The following RNF123 variants were observed in gnomAD, a reference collection of about 807,000 sequenced individuals.
RNF123 encodes the protein E3 ubiquitin-protein ligase RNF123.
In RNF123, 86 loss-of-function variants were observed where a neutral mutation model predicts 168.5. The observed-to-expected ratio is 0.51, with a 90% CI of 0.43 to 0.61. The LOEUF (loss-of-function observed/expected upper bound fraction) is 0.61, where lower values mean the gene tolerates loss of function less well. RNF123 is among the 20% of genes least tolerant of loss of function. RNF123 has a pLI of 0.00. For missense variants in RNF123, 1,419 were observed against 1,729.7 expected (o/e 0.82, Z 3.19); for synonymous variants, 666 against 689.1 (o/e 0.97, Z 0.52).
Position 49,699,608 on chromosome 3 carries a change from G to C in RNF123, c.879+26G>C. On this transcript the variant is annotated intron_variant, in intron 11 of 38. Transcript: ENST00000327697. The surrounding 1 kb of genome is among the most constrained non-coding windows in gnomAD (Gnocchi z 4.8). ...GTGAGCTGGGGTCTGGGCCAGGCGG[G>C]GTGGGGGGCTTCCACAGCCTCCTGC... The C allele has an allele frequency of 1.2e-6, 2 of 1,612,642 alleles. No homozygotes were observed. Among genetic ancestry groups the C allele is most frequent in the Non-Finnish European group, 1.7e-6 (2 of 1,179,054 alleles).
chr3:49,690,357 CTTTAAA>C (rs945218053), intron 1 of RNF123, among the ~76,000 whole-genome samples: 2 of 152,166 alleles, frequency 1.3e-5, no homozygotes, highest in Admixed American at 6.5e-5. Flanking sequence ...ATTTTTAAAA[CTTTAAA>C]TTTAAGTAAC....
intron 35 of RNF123, chr3:49,718,694 CG>C: frequency 6.2e-7 from 1 of 1,612,962 alleles, no homozygotes; most frequent in Non-Finnish European, 8.5e-7. Flanking sequence ...ACGCGGGACG[CG>C]GGTACCTTGA....
At chr3:49,698,226 T>G (rs553930581) in intron 7 of RNF123, 89 bp downstream of exon 7, 1 of 1,235,572 alleles carries the variant, frequency 8.1e-7, no homozygotes, top group African/African-American at 1.5e-5. Context: ...CCCTCAGAAC[T>G]GCCTAGGACC....
At chr3:49,718,311 G>A (rs2080295789) in intron 35 of RNF123, 1 of 1,613,166 alleles carries the variant, frequency 6.2e-7, no homozygotes, top group Admixed American at 1.7e-5. Flanking sequence ...GCAGTGTGGT[G>A]AAGCCTGTGT....
At position 49,691,169 on chromosome 3, in the gene RNF123, G is replaced by A. The variant is rs755254535; in HGVS notation, c.4G>A (p.Ala2Thr). 4 of 1,613,686 alleles carry A rather than the reference G, an allele frequency of 2.5e-6. No individual in the cohort carries two copies. The highest frequency in any genetic ancestry group is 1.7e-6 in the Non-Finnish European group (2 of 1,179,700). Residue 2 changes from alanine (A) to threonine (T), a missense_variant, in exon 2 of 39, where the codon GCA becomes ACA. Ala to Thr is a moderately conservative substitution (Grantham distance 58). This residue lies in a region of RNF123 where 318 missense variants were observed against 446.6 expected (regional missense o/e 0.71). Transcript: ENST00000327697. M[A>T]SKGAGMSFSR... ...GGCTGCCCATGAGAGATGAAGGATGGCATCCAAGGGGGCCGGCATGTCTTT... is the reference window on the plus strand; with the variant it reads ...GGCTGCCCATGAGAGATGAAGGATGACATCCAAGGGGGCCGGCATGTCTTT...
intron 26 of RNF123, 88 bp downstream of exon 26, chr3:49,706,986 C>T: frequency 2.0e-6 from 2 of 993,156 alleles, no homozygotes; most frequent in Non-Finnish European, 3.2e-6. Flanking sequence ...GATGCCCCCA[C>T]CCTCTCAGGC....
chr3:49,710,171 G>A (rs1313505122), intron 26 of RNF123, among the ~76,000 whole-genome samples: 1 of 151,868 alleles, frequency 6.6e-6, no homozygotes, highest in African/African-American at 2.4e-5. Flanking sequence ...CTAATGGGTA[G>A]GATATGGTAC....
At chr3:49,702,502 C>G (rs1431436172) in intron 19 of RNF123, 97 bp downstream of exon 19, 1 of 1,600,742 alleles carries the variant, frequency 6.2e-7, no homozygotes. Context: ...CTCATCCCTG[C>G]CTAGCCCCAA....
At chr3:49,708,695 C>G (rs577654354) in intron 26 of RNF123, among the ~76,000 whole-genome samples, 3 of 152,226 alleles carry the variant, frequency 2.0e-5, no homozygotes, top group Non-Finnish European at 4.4e-5. Context: ...ATAATGTCCT[C>G]AAGGTTCATT....
chr3:49,721,422 C>T lies in RNF123; in HGVS notation c.*117C>T. 1.5e-6 allele frequency: 2 copies of T among 1,362,406 alleles called. No individual in the cohort carries two copies. The highest frequency in any genetic ancestry group is 1.0e-6 in the Non-Finnish European group (1 of 952,602). 84.4% of individuals were successfully genotyped at this position (1,362,406 alleles called of 1,614,324 possible). A position where few individuals can be genotyped will look rare whatever the true frequency, so the allele number is the denominator to read the frequency against. On this transcript the variant is annotated 3_prime_UTR_variant, in exon 39 of 39. Coordinates refer to ENST00000327697, the MANE Select transcript of RNF123 (RefSeq NM_022064.5). ...ATCCCACACCACCACATCCAACCTC[C>T]TTGCCTGCCTGTATCCTCATTGGTG...
At chr3:49,710,226 C>T (rs184454753) in intron 26 of RNF123, among the ~76,000 whole-genome samples, 2 of 152,254 alleles carry the variant, frequency 1.3e-5, no homozygotes, top group East Asian at 3.9e-4. Flanking sequence ...GACATTATGA[C>T]AAATAGTACC....
rs1449645194 is a variant in RNF123 at position 49,698,535 on chromosome 3, C to A, written c.570+9C>A. 6.2e-7 allele frequency: 1 copy of A among 1,613,652 alleles called. No individual in the cohort carries two copies. The highest frequency in any genetic ancestry group is 1.7e-5 in the Admixed American group (1 of 60,034). ...CAACGAATTATGGCAAGGTGAGAGC[C>A]AAGCCCCTGTGGGTCATCCGCCCCA... On this transcript the variant is annotated intron_variant, in intron 8 of 38. Coordinates refer to ENST00000327697, the MANE Select transcript of RNF123 (RefSeq NM_022064.5).
At chr3:49,708,430 C>T (rs2080077398) in intron 26 of RNF123, among the ~76,000 whole-genome samples, 1 of 152,236 alleles carries the variant, frequency 6.6e-6, no homozygotes, top group Non-Finnish European at 1.5e-5. Context: ...CACCTGTCAG[C>T]AGATCCCTGG....
At chr3:49,718,449 T>A (rs573198411) in intron 35 of RNF123, 2 of 1,612,828 alleles carry the variant, frequency 1.2e-6, no homozygotes, top group East Asian at 2.2e-5. Flanking sequence ...GTACGTTGCC[T>A]ATGGCCAAGC....
rs979514514 is a variant in RNF123 at position 49,720,640 on chromosome 3, C to G, written c.3630C>G (p.Phe1210Leu). 1 of 1,600,626 alleles carries G rather than the reference C, an allele frequency of 6.2e-7. No homozygotes were observed. Among genetic ancestry groups the G allele is most frequent in the Non-Finnish European group, 8.5e-7 (1 of 1,170,736 alleles). Residue 1210 changes from phenylalanine to leucine, a missense_variant, in exon 36 of 39, where the codon TTC (phenylalanine) becomes TTG (leucine). Phe to Leu is a conservative substitution (Grantham distance 22, BLOSUM62 0). Coordinates refer to ENST00000327697, the MANE Select transcript of RNF123 (RefSeq NM_022064.5). The part of the protein sequence containing the change: ...TALPAPDRKR[F>L]SLQSYADYIS... ...TGCCAGCCCCTGACCGGAAGCGCTTCTCCCTGCAGAGCTGTGAGTGGGCTG... is the reference window on the plus strand; with the variant it reads ...TGCCAGCCCCTGACCGGAAGCGCTTGTCCCTGCAGAGCTGTGAGTGGGCTG...
chr3:49,713,798 G>A lies in RNF123; in HGVS notation c.2810G>A (p.Arg937Gln), dbSNP rs1415140095. ...TACGTGTGCTACCCACACTCCCTGC[G>A]GGCTGTGGAGCGAATCCCCGAGGAG... is the stretch of plus-strand genomic sequence containing the variant. ...ASYVCYPHSL[R>Q]AVERIPEEQR... The change falls in exon 29 of 39, where the codon CGG becomes CAG. Residue 937 changes from arginine (R) to glutamine (Q), a missense_variant. This residue lies in a region of RNF123 where 538 missense variants were observed against 708.8 expected (regional missense o/e 0.76). Coordinates refer to ENST00000327697, the MANE Select transcript of RNF123 (RefSeq NM_022064.5). The A allele has an allele frequency of 5.0e-6, 8 of 1,612,404 alleles. No homozygotes were observed. The highest frequency in any genetic ancestry group is 5.1e-6 in the Non-Finnish European group (6 of 1,179,578).
intron 35 of RNF123, 37 bp downstream of exon 35, chr3:49,716,514 G>A: frequency 1.3e-6 from 2 of 1,573,408 alleles, no homozygotes; most frequent in Non-Finnish European, 1.7e-6. Flanking sequence ...GTGGGAGTTG[G>A]GTGTGTCTGG....
Position 49,701,573 on chromosome 3 carries a change from C to T in RNF123, c.1360C>T (p.Pro454Ser), listed in dbSNP as rs761440666. ...GGAGGCCGGCCTGCAGGAGCTCATTCCCACCACCTGGTGGCCCCACTGCTC... is the reference window on the plus strand; with the variant it reads ...GGAGGCCGGCCTGCAGGAGCTCATTTCCACCACCTGGTGGCCCCACTGCTC... ...VEEAGLQELI[P>S]TTWWPHCSSR... The change falls in exon 16 of 39, where the codon CCC (proline) becomes TCC (serine). Residue 454 changes from proline to serine, a missense_variant. Physicochemically the swap from Pro to Ser is moderately conservative, Grantham distance 74 (BLOSUM62 -1). Around this residue, in one of 5 missense-constraint regions of RNF123, gnomAD observed 349 missense variants for 344.9 expected, o/e 1.01. Transcript: ENST00000327697. 1 of 1,613,672 alleles carries T rather than the reference C, an allele frequency of 6.2e-7. No homozygotes were observed. The highest frequency in any genetic ancestry group is 1.7e-5 in the Admixed American group (1 of 60,014).
intron 3 of RNF123, among the ~76,000 whole-genome samples, chr3:49,693,290 C>T (rs1425660520): frequency 1.3e-5 from 2 of 151,290 alleles, no homozygotes; most frequent in South Asian, 2.1e-4. Context: ...GCTCGTGATC[C>T]GCCCACCTCG....
Sources: gnomAD v4.1 joint callset for allele counts (sites outside exome capture counted in the v4.1 genomes callset) on GRCh38, gnomAD v4.1.1 for gene constraint, gnomAD v4.1.1 regional missense constraint, Gnocchi (gnomAD v3.1) non-coding constraint, MANE v1.5 for transcripts, NCBI Gene and HGNC (gene_info 2026-07-23, HGNC 2026-07-21) for gene names.